Variants in CWH43 observed in about 807,000 individuals in gnomAD.
CWH43 encodes the protein PGAP2-interacting protein.
In CWH43, 91 loss-of-function variants were observed where a neutral mutation model predicts 85.7. The observed-to-expected ratio is 1.06, with a 90% CI of 0.90 to 1.26. The LOEUF is 1.26. Among genes scored for constraint, CWH43 ranks in the 50% most tolerant of loss-of-function variants. CWH43 has a pLI of 0.00. For missense variants in CWH43, 869 were observed against 839.2 expected (o/e 1.04, Z -0.44); for synonymous variants, 323 against 293.6 (o/e 1.10, Z -1.02).
At position 49,061,915 on chromosome 4, in the gene CWH43, G is replaced by T. The variant is rs1785174113; in HGVS notation, c.*25G>T. The T allele has an allele frequency of 2.3e-6, 3 of 1,316,200 alleles. No individual in the cohort carries two copies. Among genetic ancestry groups the T allele is most frequent in the Non-Finnish European group, 3.0e-6 (3 of 995,910 alleles). 81.5% of individuals were successfully genotyped at this position (1,316,200 alleles called of 1,614,324 possible). A position where few individuals can be genotyped will look rare whatever the true frequency, so the allele number is the denominator to read the frequency against. ...AAACATTTAAAACAAGAAGTTATTG[G>T]CTGGGAAAATCTAAGAAAAAAAGTA... On this transcript the variant is annotated 3_prime_UTR_variant, in exon 16 of 16. Coordinates refer to ENST00000226432, the MANE Select transcript of CWH43 (RefSeq NM_025087.3).
intron 6 of CWH43, among the ~76,000 whole-genome samples, chr4:48,999,296 T>C (rs1782917483): frequency 6.6e-6 from 1 of 152,196 alleles, no homozygotes; most frequent in Non-Finnish European, 1.5e-5. Context: ...TGGTGTATAT[T>C]ACCACATTTT....
chr4:49,034,250 A>C (rs1027429600), intron 12 of CWH43, among the ~76,000 whole-genome samples: 35 of 152,138 alleles, frequency 2.3e-4, no homozygotes, highest in African/African-American at 8.4e-4. Flanking sequence ...AATCATTCCC[A>C]TGACCTTATG....
chr4:48,998,428 T>C lies in CWH43; in HGVS notation c.714-32T>C, dbSNP rs200658416. 8.0e-5 allele frequency: 117 copies of C among 1,467,918 alleles called. No individual in the cohort carries two copies. In the African/African-American group the frequency reaches 1.3e-3, roughly 16 times the overall value. The allele number at this position is 1,467,918 out of a possible 1,614,324, so 90.9% of individuals were successfully genotyped here. The stretch of plus-strand genomic sequence containing the variant: ...TCGGGATGATGAAATATTACTAATG[T>C]CACATGTCTTAGAGCATGTCCTTTT... On this transcript the variant is annotated intron_variant, in intron 5 of 15. Transcript: ENST00000226432.
At chr4:49,034,443 G>A (rs1784201864) in intron 12 of CWH43, among the ~76,000 whole-genome samples, 1 of 152,086 alleles carries the variant, frequency 6.6e-6, no homozygotes, top group Non-Finnish European at 1.5e-5. Context: ...GGAAGAGAAA[G>A]CTAAAAGAGA....
At chr4:49,019,924 A>T (rs1185919925) in intron 9 of CWH43, among the ~76,000 whole-genome samples, 1 of 152,044 alleles carries the variant, frequency 6.6e-6, no homozygotes, top group Non-Finnish European at 1.5e-5. Context: ...TATGTGGATA[A>T]GTTCTTTAGA....
chr4:49,045,725 A>G (rs1784602455), intron 14 of CWH43, among the ~76,000 whole-genome samples: 1 of 152,058 alleles, frequency 6.6e-6, no homozygotes, highest in African/African-American at 2.4e-5. Context: ...TTTTTTTTAA[A>G]TATATTTTTA....
chr4:49,043,429 A>G (rs1484342643), intron 13 of CWH43, among the ~76,000 whole-genome samples: 1 of 152,210 alleles, frequency 6.6e-6, no homozygotes, highest in Non-Finnish European at 1.5e-5. Context: ...TGTACATGGT[A>G]TTAAGGAAGG....
intron 15 of CWH43, among the ~76,000 whole-genome samples, chr4:49,059,450 C>T (rs1166186774): frequency 6.6e-6 from 1 of 152,164 alleles, no homozygotes; most frequent in Non-Finnish European, 1.5e-5. Context: ...TGCTGTTTTT[C>T]ATTAGCATCA....
chr4:48,994,535 C>T, intron 4 of CWH43, 84 bp from the exon 5 acceptor site: 1 of 1,155,960 alleles, frequency 8.7e-7, no homozygotes, highest in Non-Finnish European at 1.3e-6. Context: ...AATACCATTT[C>T]TTCCTTGCTA....
chr4:49,061,168 C>T (rs1000207297), intron 15 of CWH43, among the ~76,000 whole-genome samples: 2 of 152,070 alleles, frequency 1.3e-5, no homozygotes, highest in Non-Finnish European at 2.9e-5. Context: ...GGGTCTAGCT[C>T]TAGAAGTGAA....
intron 9 of CWH43, among the ~76,000 whole-genome samples, chr4:49,020,853 T>A (rs1255532142): frequency 6.6e-6 from 1 of 152,170 alleles, no homozygotes; most frequent in African/African-American, 2.4e-5. Context: ...CATTTGTGTA[T>A]CTTCTTTTGA....
intron 8 of CWH43, 76 bp from the exon 9 acceptor site, chr4:49,017,173 C>T: frequency 7.8e-7 from 1 of 1,283,442 alleles, no homozygotes; most frequent in Non-Finnish European, 1.1e-6. Flanking sequence ...AGCTGAGGCA[C>T]TGAAGGTCAG....
chr4:49,056,951 G>T (rs1027867292), intron 15 of CWH43, among the ~76,000 whole-genome samples: 6 of 151,994 alleles, frequency 3.9e-5, no homozygotes, highest in Non-Finnish European at 8.8e-5. Flanking sequence ...ACATATTTGT[G>T]AATTTTCCAA....
chr4:49,007,718 A>G (rs1186750873), intron 8 of CWH43, among the ~76,000 whole-genome samples: 1 of 151,678 alleles, frequency 6.6e-6, no homozygotes, highest in Non-Finnish European at 1.5e-5. Flanking sequence ...GAGTGAGAAC[A>G]TGTGGTGTTT....
intron 8 of CWH43, among the ~76,000 whole-genome samples, chr4:49,008,423 G>T (rs1228013816): frequency 6.6e-6 from 1 of 151,974 alleles, no homozygotes; most frequent in African/African-American, 2.4e-5. Context: ...CATTCTGTAG[G>T]TTTCCTGTTC....
At position 48,991,569 on chromosome 4, in the gene CWH43, G is replaced by C; in HGVS notation, c.351G>C (p.Leu117Phe). 1 of 1,613,936 alleles carries C rather than the reference G, an allele frequency of 6.2e-7. No individual in the cohort carries two copies. Among genetic ancestry groups the C allele is most frequent in the Non-Finnish European group, 8.5e-7 (1 of 1,179,916 alleles). ...QAVTWWSGSH[L>F]QRYLRIWGFI... ...TGACTTGGTGGTCAGGAAGTCATTTGCAAAGGTATGGTTAATGTTTCATGT... is the reference window on the plus strand; with the variant it reads ...TGACTTGGTGGTCAGGAAGTCATTTCCAAAGGTATGGTTAATGTTTCATGT... Residue 117 changes from leucine to phenylalanine, a missense_variant, in exon 3 of 16, where the codon TTG (leucine) becomes TTC (phenylalanine). Physicochemically the swap from Leu to Phe is conservative, Grantham distance 22. Around this residue, in one of 3 missense-constraint regions of CWH43, gnomAD observed 152 missense variants for 203.6 expected, o/e 0.75. Transcript: ENST00000226432.
intron 10 of CWH43, among the ~76,000 whole-genome samples, chr4:49,030,213 GA>G (rs1784051163): frequency 6.6e-6 from 1 of 152,228 alleles, no homozygotes; most frequent in East Asian, 1.9e-4. Context: ...TTTGAAATCT[GA>G]GAGTGTTTTT....
At chr4:48,993,262 C>T (rs1782712285) in intron 4 of CWH43, among the ~76,000 whole-genome samples, 1 of 152,120 alleles carries the variant, frequency 6.6e-6, no homozygotes. Flanking sequence ...GGGGTGGAGT[C>T]ACCCACTGTA....
At chr4:49,008,115 A>G (rs1393746774) in intron 8 of CWH43, among the ~76,000 whole-genome samples, 1 of 152,150 alleles carries the variant, frequency 6.6e-6, no homozygotes, top group Non-Finnish European at 1.5e-5. Context: ...CTATTTCTCC[A>G]TATCCTCTCC....
Sources: allele counts gnomAD v4.1 joint callset (sites outside exome capture counted in the v4.1 genomes callset), GRCh38; gene constraint gnomAD v4.1.1; regional missense constraint gnomAD v4.1.1; transcripts MANE v1.5; gene names NCBI Gene and HGNC (gene_info 2026-07-23, HGNC 2026-07-21).